BEND7: variants seen among roughly 807,000 people sequenced by gnomAD.
BEND7 encodes BEN domain-containing protein 7.
BEND7 carries 28 observed loss-of-function variants against 50.9 expected under a neutral mutation model. The ratio of observed to expected loss-of-function variants is 0.55; its 90% CI spans 0.41 to 0.75. The LOEUF (loss-of-function observed/expected upper bound fraction) is 0.75, where lower values mean the gene tolerates loss of function less well. BEND7 is among the 30% of genes least tolerant of loss of function. BEND7 has a pLI of 0.00. For synonymous variants in BEND7, 170 were observed against 183.9 expected, an observed-to-expected ratio of 0.92 and a Z score of 0.61; for missense variants, 477 against 491.3, an observed-to-expected ratio of 0.97 and a Z score of 0.28.
At position 13,496,758 on chromosome 10, in the gene BEND7, C is replaced by A; in HGVS notation, c.571+8G>T. The stretch of plus-strand genomic sequence containing the variant: ...CAAAGGACTCATTCCGAGGCCTGAT[C>A]CTTGTACCTGCTTGAATTTGCATTA... On this transcript the variant is annotated splice_region_variant and intron_variant, in intron 4 of 8. Coordinates refer to ENST00000466271, the MANE Select transcript of BEND7 (RefSeq NM_001369863.1). 1 of 1,612,086 alleles carries A rather than the reference C, an allele frequency of 6.2e-7. No individual in the cohort carries two copies. The highest frequency in any genetic ancestry group is 1.1e-5 in the South Asian group (1 of 90,464).
chr10:13,486,202 T>C (rs1473367184), intron 5 of BEND7, among the ~76,000 whole-genome samples: 1 of 152,202 alleles, frequency 6.6e-6, no homozygotes, highest in Non-Finnish European at 1.5e-5. Context: ...TATGTATTTA[T>C]ATATTTTGTA....
At chr10:13,509,481 C>T (rs540374562) in intron 2 of BEND7, among the ~76,000 whole-genome samples, 3 of 152,316 alleles carry the variant, frequency 2.0e-5, no homozygotes, top group African/African-American at 7.2e-5. Flanking sequence ...TCGCCAGCTA[C>T]ACTTCCCAGG....
At chr10:13,495,790 C>T (rs1160149137) in intron 4 of BEND7, among the ~76,000 whole-genome samples, 4 of 152,184 alleles carry the variant, frequency 2.6e-5, no homozygotes, top group Non-Finnish European at 5.9e-5. Flanking sequence ...TAAAATTATA[C>T]TAGAATTCAC....
rs545694169 is a variant in BEND7 at position 13,487,710 on chromosome 10, A to G, written c.837+4901T>C. On this transcript the variant is annotated intron_variant, in intron 5 of 8. Coordinates refer to ENST00000466271, the MANE Select transcript of BEND7 (RefSeq NM_001369863.1). ...CAATGGCCTCAATTTCAATGTGTCA[A>G]TGAGTAAATTTAAAAAATCATTTGC... is the stretch of plus-strand genomic sequence containing the variant. Among the ~76,000 whole-genome samples, 57 of 152,174 alleles carry G rather than the reference A, an allele frequency of 3.7e-4. 1 individual carries two copies. In the South Asian group the frequency reaches 7.1e-3, roughly 19 times the overall value.
At chr10:13,495,172 G>A in intron 4 of BEND7, among the ~76,000 whole-genome samples, 1 of 152,184 alleles carries the variant, frequency 6.6e-6, no homozygotes, top group African/African-American at 2.4e-5. Context: ...TTTCTTAAGT[G>A]CTAACAAATT....
At chr10:13,499,603 G>A in intron 3 of BEND7, 175 bp downstream of exon 3, 1 of 710,476 alleles carries the variant, frequency 1.4e-6, no homozygotes, top group Non-Finnish European at 2.1e-6. Flanking sequence ...TCTCAATTCT[G>A]TTTTTTAATA....
chr10:13,493,997 C>G (rs938117823), intron 4 of BEND7, among the ~76,000 whole-genome samples: 1 of 152,140 alleles, frequency 6.6e-6, no homozygotes, highest in African/African-American at 2.4e-5. Context: ...AATTCAAAAG[C>G]AATTCATAAA....
At chr10:13,503,130 A>C (rs3814660) in intron 2 of BEND7, among the ~76,000 whole-genome samples, 29,311 of 152,136 alleles carry the variant, frequency 0.19, 2,968 homozygotes, top group African/African-American at 0.24. Flanking sequence ...GTTTTGCATA[A>C]CTTTGTATTT....
chr10:13,524,445 C>T (rs1392452761), intron 2 of BEND7, among the ~76,000 whole-genome samples: 14 of 151,956 alleles, frequency 9.2e-5, no homozygotes. Context: ...GAGTTTGAGA[C>T]CAGCCTGGCC....
At chr10:13,496,663 G>A in intron 4 of BEND7, 103 bp downstream of exon 4, 1 of 1,332,630 alleles carries the variant, frequency 7.5e-7, no homozygotes, top group Non-Finnish European at 1.0e-6. Flanking sequence ...AAGACAGCAA[G>A]GTGAGAAGAA....
chr10:13,464,495 T>A (rs926483499), intron 6 of BEND7, among the ~76,000 whole-genome samples: 2 of 152,016 alleles, frequency 1.3e-5, no homozygotes, highest in African/African-American at 4.8e-5. Context: ...AGTGGCAAAG[T>A]AAGAATGAAT....
intron 6 of BEND7, among the ~76,000 whole-genome samples, chr10:13,472,411 T>C (rs2074958625): frequency 6.6e-6 from 1 of 151,974 alleles, no homozygotes; most frequent in African/African-American, 2.4e-5. Context: ...CCGATATCTG[T>C]CATCACTGTT....
intron 2 of BEND7, among the ~76,000 whole-genome samples, chr10:13,505,619 C>A (rs906815553): frequency 2.6e-5 from 4 of 152,218 alleles, no homozygotes; most frequent in Admixed American, 2.6e-4. Flanking sequence ...AGTCCGACCC[C>A]TGACTGGGAG....
At chr10:13,439,425 G>T, downstream of BEND7, 2 of 1,614,078 alleles carry the variant, frequency 1.2e-6, no homozygotes, top group African/African-American at 2.7e-5. Context: ...CATTGTCTGA[G>T]GTGAGCTCTG....
chr10:13,512,534 C>T (rs914356544), intron 2 of BEND7, among the ~76,000 whole-genome samples: 5 of 152,180 alleles, frequency 3.3e-5, no homozygotes, highest in Non-Finnish European at 5.9e-5. Flanking sequence ...TGCAAAGAGA[C>T]GCCCTTTTCA....
At chr10:13,471,312 A>C (rs981067879) in intron 6 of BEND7, among the ~76,000 whole-genome samples, 1 of 152,286 alleles carries the variant, frequency 6.6e-6, no homozygotes, top group African/African-American at 2.4e-5. Flanking sequence ...AATATCAACG[A>C]AAATACTGCA....
intron 6 of BEND7, among the ~76,000 whole-genome samples, chr10:13,475,574 T>C (rs777597257): frequency 6.6e-6 from 1 of 152,228 alleles, no homozygotes; most frequent in Admixed American, 6.5e-5. Flanking sequence ...AGAAAAGACC[T>C]GCCCTGACAC....
At chr10:13,505,699 G>C (rs564731390) in intron 2 of BEND7, among the ~76,000 whole-genome samples, 19 of 152,306 alleles carry the variant, frequency 1.2e-4, no homozygotes, top group Middle Eastern at 6.8e-3. Context: ...TGGCTGCTGA[G>C]GACAATGCTA....
Position 13,499,923 on chromosome 10 carries a change from G to T in BEND7, c.303C>A (p.Ser101=). Residue 101 remains serine (S), a synonymous_variant, in exon 3 of 9, where the codon TCC becomes TCA. Coordinates refer to ENST00000466271, the MANE Select transcript of BEND7 (RefSeq NM_001369863.1). Reference sequence around the variant, plus strand: ...GGAGGCTTTGCGGGGCCTCAGCAGAGGAGTTCAAACGTGGAGGCCAGACTA... The same window carrying T: ...GGAGGCTTTGCGGGGCCTCAGCAGATGAGTTCAAACGTGGAGGCCAGACTA... ...LDLVWPPRLN[S]SAEAPQSLHP... is the part of the protein sequence containing the mutation. 6.2e-7 allele frequency: 1 copy of T among 1,614,182 alleles called. No homozygotes were observed. Among genetic ancestry groups the T allele is most frequent in the Non-Finnish European group, 8.5e-7 (1 of 1,180,038 alleles).
Sources: allele counts gnomAD v4.1 joint callset (sites outside exome capture counted in the v4.1 genomes callset), GRCh38; gene constraint gnomAD v4.1.1; transcripts MANE v1.5; gene names NCBI Gene and HGNC (gene_info 2026-07-23, HGNC 2026-07-21).